Variants in ZBTB46 observed in about 807,000 individuals in gnomAD.
The protein encoded by ZBTB46 is zinc finger and BTB domain-containing protein 46.
Under a neutral mutation model 44.1 loss-of-function variants are expected in ZBTB46, and 8 were observed. That is an observed-to-expected ratio of 0.18 (90% CI 0.11 to 0.33). The LOEUF is 0.33. Ranked by LOEUF, ZBTB46 falls within the 10% of genes least tolerant of loss-of-function variation. The pLI is 1.00. For missense variants in ZBTB46, 651 were observed against 847.7 expected, an observed-to-expected ratio of 0.77 and a Z score of 2.88; for synonymous variants, 409 against 382.3, an observed-to-expected ratio of 1.07 and a Z score of -0.81.
At chr20:63,792,341 T>C (rs904059979) in intron 1 of ZBTB46, among the ~76,000 whole-genome samples, 1 of 152,104 alleles carries the variant, frequency 6.6e-6, no homozygotes, top group African/African-American at 2.4e-5. Flanking sequence ...GCTAAATGTG[T>C]TTAATAGGAG....
intron 2 of ZBTB46, among the ~76,000 whole-genome samples, chr20:63,786,162 C>T (rs1201997322): frequency 2.0e-5 from 3 of 152,318 alleles, no homozygotes; most frequent in Middle Eastern, 3.4e-3. Flanking sequence ...CCCCCAAAGC[C>T]GTGTCTCTTG....
chr20:63,806,579 G>C (rs2092682964), intron 1 of ZBTB46, among the ~76,000 whole-genome samples: 2 of 151,976 alleles, frequency 1.3e-5, no homozygotes, highest in Non-Finnish European at 1.5e-5. Context: ...TTAAAATAAA[G>C]GCAACACTAT....
rs2092074002 is a variant in ZBTB46 at position 63,744,903 on chromosome 20, G to C, written c.*2027C>G. The C allele has an allele frequency of 6.6e-6, 1 of 152,486 alleles. No homozygotes were observed. Among genetic ancestry groups the C allele is most frequent in the Admixed American group, 6.5e-5 (1 of 15,292 alleles). 9.4% of individuals were successfully genotyped at this position (152,486 alleles called of 1,614,324 possible). On this transcript the variant is annotated 3_prime_UTR_variant, in exon 5 of 5. Transcript: ENST00000245663. ...TCCTGGGCAGGGTGGCCTGAGAGCAGGGACTGGTACAAAACCCAGAGACAT... is the reference window on the plus strand; with the variant it reads ...TCCTGGGCAGGGTGGCCTGAGAGCACGGACTGGTACAAAACCCAGAGACAT...
chr20:63,799,197 ATT>A (rs879333019), intron 1 of ZBTB46, among the ~76,000 whole-genome samples: 3 of 142,470 alleles, frequency 2.1e-5, no homozygotes, highest in African/African-American at 2.6e-5. Context: ...CACTCAGCTA[ATT>A]TTTTTTTTTT....
chr20:63,785,240 G>A (rs4809227), intron 2 of ZBTB46, among the ~76,000 whole-genome samples: 1,058 of 97,908 alleles, frequency 0.011, 20 homozygotes, highest in African/African-American at 0.033. Context: ...AAAAAAAAAA[G>A]AAAAGAAAAG....
chr20:63,784,219 G>C (rs2092493933), intron 2 of ZBTB46, among the ~76,000 whole-genome samples: 1 of 152,230 alleles, frequency 6.6e-6, no homozygotes, highest in Non-Finnish European at 1.5e-5. Flanking sequence ...ACAAGGGAGA[G>C]AAACCCTGAG....
chr20:63,783,305 T>C (rs1240686105), intron 2 of ZBTB46, among the ~76,000 whole-genome samples: 1 of 151,718 alleles, frequency 6.6e-6, no homozygotes, highest in East Asian at 1.9e-4. Context: ...GGCACGTGCC[T>C]GTAGTCCCAG....
At position 63,767,586 on chromosome 20, in the gene ZBTB46, C is replaced by A. The variant is rs1018564751; in HGVS notation, c.1222+8092G>T. ...ACCCAGCTGGAGCCCGGGACCCGGA[C>A]GCCAAAGCTCTGGCCGCAGCACTGA... is the stretch of plus-strand genomic sequence containing the variant. On this transcript the variant is annotated intron_variant, in intron 3 of 4. Coordinates refer to ENST00000245663, the MANE Select transcript of ZBTB46 (RefSeq NM_001369741.1). This position sits in a 1 kb window ranked among gnomAD's most constrained non-coding sequence, Gnocchi z 5.0. Among the ~76,000 whole-genome samples, 10 of 152,194 alleles carry A rather than the reference C, an allele frequency of 6.6e-5. No homozygotes were observed. The highest frequency in any genetic ancestry group is 1.2e-4 in the Non-Finnish European group (8 of 68,038).
At chr20:63,810,618 C>CT (rs879385613) in intron 1 of ZBTB46, among the ~76,000 whole-genome samples, 1 of 152,102 alleles carries the variant, frequency 6.6e-6, no homozygotes, top group Non-Finnish European at 1.5e-5. Flanking sequence ...TGGTGGCACG[C>CT]ACCTATAATC....
Position 63,767,934 on chromosome 20 carries a change from T to G in ZBTB46, c.1222+7744A>C. ...CCCTCATGCCAGCGGGAGCCAACTCTGGAAGAGGACTGCTCCGCCCAGCTC... is the reference window on the plus strand; with the variant it reads ...CCCTCATGCCAGCGGGAGCCAACTCGGGAAGAGGACTGCTCCGCCCAGCTC... On this transcript the variant is annotated intron_variant, in intron 3 of 4. Coordinates refer to ENST00000245663, the MANE Select transcript of ZBTB46 (RefSeq NM_001369741.1). The surrounding 1 kb of genome is among the most constrained non-coding windows in gnomAD (Gnocchi z 5.0). 1 of 985,394 alleles carries G rather than the reference T, an allele frequency of 1.0e-6. No homozygotes were observed. The highest frequency in any genetic ancestry group is 1.2e-6 in the Non-Finnish European group (1 of 829,914). 61.0% of individuals were successfully genotyped at this position (985,394 alleles called of 1,614,324 possible).
chr20:63,830,205 G>T (rs576713813), intron 1 of ZBTB46, among the ~76,000 whole-genome samples: 2 of 152,234 alleles, frequency 1.3e-5, no homozygotes, highest in African/African-American at 4.8e-5. Flanking sequence ...TACAAACAGT[G>T]AATCTGTCAG....
chr20:63,773,590 G>T (rs977284012), intron 3 of ZBTB46, among the ~76,000 whole-genome samples: 1 of 152,070 alleles, frequency 6.6e-6, no homozygotes, highest in African/African-American at 2.4e-5. Flanking sequence ...GTGAAAAGGC[G>T]CTCGGAGGGG....
intron 2 of ZBTB46, among the ~76,000 whole-genome samples, chr20:63,782,293 GC>G (rs781111165): frequency 2.6e-5 from 4 of 152,036 alleles, no homozygotes; most frequent in Non-Finnish European, 4.4e-5. Context: ...AGCCACGTGG[GC>G]CCTAAACGGA....
At chr20:63,805,890 G>A (rs1206177002) in intron 1 of ZBTB46, among the ~76,000 whole-genome samples, 2 of 151,668 alleles carry the variant, frequency 1.3e-5, no homozygotes, top group South Asian at 2.1e-4. Flanking sequence ...CTCGTGCCTC[G>A]GCCTCCCCAG....
chr20:63,781,773 C>G (rs1170183131), intron 2 of ZBTB46, among the ~76,000 whole-genome samples: 1 of 143,868 alleles, frequency 7.0e-6, no homozygotes, highest in Non-Finnish European at 1.5e-5. Flanking sequence ...GCCTGGACAA[C>G]AGAGCGAGAC....
chr20:63,769,513 G>A (rs924909959), intron 3 of ZBTB46: 45 of 904,440 alleles, frequency 5.0e-5, no homozygotes, highest in Non-Finnish European at 5.4e-5. Context: ...CAAGGGTCTC[G>A]CTGGAGGCAG....
chr20:63,816,063 GCAGGTGCAGTGGGCA>G (rs1275726684), intron 1 of ZBTB46, among the ~76,000 whole-genome samples: 2 of 138,460 alleles, frequency 1.4e-5, no homozygotes, highest in East Asian at 2.3e-4. Context: ...TGCGGTGGGC[GCAGGTGCAGTGGGCA>G]CAGGTGGGCA....
chr20:63,768,924 G>A (rs2092343733), intron 3 of ZBTB46, among the ~76,000 whole-genome samples: 1 of 152,178 alleles, frequency 6.6e-6, no homozygotes, highest in African/African-American at 2.4e-5. Context: ...ACTGCAACAT[G>A]AATTGAATGT....
rs556646642 is a variant in ZBTB46 at position 63,820,141 on chromosome 20, T to C, written c.-34+10956A>G. On this transcript the variant is annotated intron_variant, in intron 1 of 4. Coordinates refer to ENST00000245663, the MANE Select transcript of ZBTB46 (RefSeq NM_001369741.1). The stretch of plus-strand genomic sequence containing the variant: ...CGAAGTCTCGCTCTGTCACCCAGGC[T>C]GGAGTGCAGTGGCACGATTTCGGCT... Among the ~76,000 whole-genome samples, 82 of 152,176 alleles carry C rather than the reference T, an allele frequency of 5.4e-4. 1 individual carries two copies. Among genetic ancestry groups the C allele is most frequent in the African/African-American group, 1.8e-3 (75 of 41,512 alleles).
Sources: gnomAD v4.1 joint callset for allele counts (sites outside exome capture counted in the v4.1 genomes callset) on GRCh38, gnomAD v4.1.1 for gene constraint, Gnocchi (gnomAD v3.1) non-coding constraint, MANE v1.5 for transcripts, NCBI Gene and HGNC (gene_info 2026-07-23, HGNC 2026-07-21) for gene names.